Variants in ATP2B2 observed in about 807,000 individuals in gnomAD.
ATP2B2 encodes the protein plasma membrane calcium-transporting ATPase 2.
In ATP2B2, 15 loss-of-function variants were observed where a neutral mutation model predicts 120.0. That is an observed-to-expected ratio of 0.12 (90% CI 0.08 to 0.19). The LOEUF (loss-of-function observed/expected upper bound fraction) is 0.19, where lower values mean the gene tolerates loss of function less well. ATP2B2 is among the 10% of genes least tolerant of loss of function. The pLI, the probability that ATP2B2 is intolerant of heterozygous loss-of-function variation, is 1.00. For missense variants in ATP2B2, 1,045 were observed against 1,719.8 expected (o/e 0.61, Z 6.94); for synonymous variants, 694 against 700.3 (o/e 0.99, Z 0.14).
intron 2 of ATP2B2, among the ~76,000 whole-genome samples, chr3:10,416,622 C>A (rs1442827287): frequency 6.6e-6 from 1 of 152,156 alleles, no homozygotes; most frequent in Non-Finnish European, 1.5e-5. Flanking sequence ...CTCTGTTAAG[C>A]AAAGCTCGAG....
At chr3:10,531,992 C>T (rs1054668562) in intron 3 of ATP2B2, among the ~76,000 whole-genome samples, 1 of 152,068 alleles carries the variant, frequency 6.6e-6, no homozygotes, top group Non-Finnish European at 1.5e-5. Context: ...CCCGCCCCAC[C>T]ACCCTGGCAC....
intron 1 of ATP2B2, among the ~76,000 whole-genome samples, chr3:10,683,489 T>C (rs975360277): frequency 1.3e-5 from 2 of 151,868 alleles, no homozygotes; most frequent in Non-Finnish European, 2.9e-5. Flanking sequence ...AATTGAATAA[T>C]ATAAACTCCA....
chr3:10,582,721 G>T (rs1372665793), intron 2 of ATP2B2, among the ~76,000 whole-genome samples: 10 of 152,144 alleles, frequency 6.6e-5, no homozygotes, highest in Admixed American at 6.5e-4. Flanking sequence ...GTCCCAGAGG[G>T]GGCTGAGCCT....
chr3:10,499,990 C>T lies in ATP2B2; in HGVS notation c.-320+5475G>A, dbSNP rs979352305. ...TCACTCTGTCACCCAGGCTAGAGTG[C>T]AATGGTTCCATCTTGGCTCACTGCA... On this transcript the variant is annotated intron_variant, in intron 1 of 22. Coordinates refer to ENST00000360273, the MANE Select transcript of ATP2B2 (RefSeq NM_001001331.4). Among the ~76,000 whole-genome samples the T allele has an allele frequency of 3.6e-5, 5 of 140,656 alleles. No homozygotes were observed. In the Admixed American group the frequency reaches 3.7e-4, roughly 10 times the overall value. 92.3% of individuals were successfully genotyped at this position (140,656 alleles called of 152,430 possible). A position where few individuals can be genotyped will look rare whatever the true frequency, so the allele number is the denominator to read the frequency against.
chr3:10,661,576 A>G (rs1204039539), intron 1 of ATP2B2, among the ~76,000 whole-genome samples: 6 of 152,184 alleles, frequency 3.9e-5, no homozygotes, highest in Non-Finnish European at 8.8e-5. Context: ...AGAACTACAA[A>G]CCACTGCTCA....
intron 1 of ATP2B2, among the ~76,000 whole-genome samples, chr3:10,667,245 G>C (rs916369894): frequency 1.3e-5 from 2 of 152,204 alleles, no homozygotes; most frequent in African/African-American, 4.8e-5. Flanking sequence ...TTATAGATGA[G>C]GAAACTGAGG....
intron 12 of ATP2B2, among the ~76,000 whole-genome samples, chr3:10,371,460 T>G (rs2061239712): frequency 6.6e-6 from 1 of 152,210 alleles, no homozygotes; most frequent in Non-Finnish European, 1.5e-5. Context: ...CTCACAGGAC[T>G]TTGAGTGAAA....
intron 3 of ATP2B2, among the ~76,000 whole-genome samples, chr3:10,524,863 C>T (rs1358116847): frequency 1.3e-5 from 2 of 152,176 alleles, no homozygotes; most frequent in African/African-American, 4.8e-5. Context: ...GGAATCCCCT[C>T]AACCACCCAG....
At chr3:10,619,431 T>C (rs1169481639) in intron 2 of ATP2B2, among the ~76,000 whole-genome samples, 1 of 152,058 alleles carries the variant, frequency 6.6e-6, no homozygotes, top group African/African-American at 2.4e-5. Flanking sequence ...AGGGAGATAG[T>C]AATTGAAAAA....
intron 2 of ATP2B2, among the ~76,000 whole-genome samples, chr3:10,598,945 G>A (rs1191600704): frequency 6.6e-6 from 1 of 152,202 alleles, no homozygotes; most frequent in African/African-American, 2.4e-5. Context: ...TCCCCTTCAG[G>A]GAAAAGCATA....
intron 1 of ATP2B2, among the ~76,000 whole-genome samples, chr3:10,450,959 GGCCCA>G (rs1415934418): frequency 6.6e-6 from 1 of 152,138 alleles, no homozygotes; most frequent in Non-Finnish European, 1.5e-5. Context: ...GGCCATCCTG[GGCCCA>G]GGACGGTGAG....
intron 2 of ATP2B2, among the ~76,000 whole-genome samples, chr3:10,581,900 T>C (rs1330108752): frequency 6.6e-6 from 1 of 152,122 alleles, no homozygotes; most frequent in Non-Finnish European, 1.5e-5. Context: ...TAGAGAAGGA[T>C]TTGTTAGGTA....
At chr3:10,658,962 T>G (rs1327573316) in intron 1 of ATP2B2, among the ~76,000 whole-genome samples, 1 of 152,102 alleles carries the variant, frequency 6.6e-6, no homozygotes, top group Non-Finnish European at 1.5e-5. Context: ...AGAAAAGAAT[T>G]TTCAACCCAG....
upstream of ATP2B2, among the ~76,000 whole-genome samples, chr3:10,508,837 G>A (rs182010135): frequency 6.6e-6 from 1 of 152,364 alleles, no homozygotes; most frequent in Non-Finnish European, 1.5e-5. Flanking sequence ...GAGGGGGAAA[G>A]AGGCAAGAGG....
intron 14 of ATP2B2, among the ~76,000 whole-genome samples, chr3:10,352,938 G>A (rs1393962548): frequency 1.3e-5 from 2 of 152,180 alleles, no homozygotes; most frequent in African/African-American, 4.8e-5. Flanking sequence ...AGGGTTTTGG[G>A]TCATTGACTT....
chr3:10,532,921 T>C (rs944524116), intron 3 of ATP2B2, among the ~76,000 whole-genome samples: 1 of 152,198 alleles, frequency 6.6e-6, no homozygotes. Flanking sequence ...TTCTTCTCTC[T>C]GGGCATCAGT....
chr3:10,400,813 TCTCACTTGGGGCTGAGCTGG>T (rs1189383463), intron 5 of ATP2B2, 120 bp downstream of exon 5: 1 of 1,315,308 alleles, frequency 7.6e-7, no homozygotes, highest in Non-Finnish European at 1.1e-6. Flanking sequence ...GGAAGGGAGT[TCTCACTTGGGGCTGAGCTGG>T]CTGGAGATAC....
intron 2 of ATP2B2, among the ~76,000 whole-genome samples, chr3:10,543,568 T>G (rs889876724): frequency 9.2e-5 from 14 of 152,242 alleles, no homozygotes; most frequent in African/African-American, 3.4e-4. Flanking sequence ...GTTTTTGTTT[T>G]GGAAAATATA....
At chr3:10,610,582 T>C (rs1347081203) in intron 2 of ATP2B2, among the ~76,000 whole-genome samples, 1 of 152,212 alleles carries the variant, frequency 6.6e-6, no homozygotes, top group South Asian at 2.1e-4. Flanking sequence ...AGTGATGGAA[T>C]GATAGGTTCC....
Sources: allele counts gnomAD v4.1 joint callset (sites outside exome capture counted in the v4.1 genomes callset), GRCh38; gene constraint gnomAD v4.1.1; transcripts MANE v1.5; gene names NCBI Gene and HGNC (gene_info 2026-07-23, HGNC 2026-07-21).